The following ASAH2 variants were observed in gnomAD, a reference collection of about 807,000 sequenced individuals.
ASAH2 encodes neutral ceramidase.
A neutral mutation model predicts 82.9 loss-of-function variants in ASAH2; 58 were observed. The observed-to-expected ratio is 0.70, with a 90% CI of 0.57 to 0.87. The LOEUF (loss-of-function observed/expected upper bound fraction) is 0.87, where lower values mean the gene tolerates loss of function less well. Among genes scored for constraint, ASAH2 ranks in the 40% least tolerant of loss-of-function variants. The pLI, the probability that ASAH2 is intolerant of heterozygous loss-of-function variation, is 0.00. For synonymous variants in ASAH2, 276 were observed against 289.7 expected, an observed-to-expected ratio of 0.95 and a Z score of 0.48; for missense variants, 779 against 834.0, an observed-to-expected ratio of 0.93 and a Z score of 0.81.
chr10:50,185,299 G>A lies in ASAH2; in HGVS notation c.*2016C>T, dbSNP rs562835961. The A allele has an allele frequency of 6.3e-4, 92 of 146,724 alleles. 2 individuals are homozygous for A. Among genetic ancestry groups the A allele is most frequent in the African/African-American group, 2.3e-3 (89 of 39,110 alleles). The allele number at this position is 146,724 out of a possible 1,614,324, so 9.1% of individuals were successfully genotyped here. A position where few individuals can be genotyped will look rare whatever the true frequency, so the allele number is the denominator to read the frequency against. On this transcript the variant is annotated 3_prime_UTR_variant, in exon 21 of 21. Transcript: ENST00000682911. ...GGTTTTATTTTTACACATGAACTGC[G>A]AACATAGAACTGCATGCCCTAGAAG...
intron 17 of ASAH2, among the ~76,000 whole-genome samples, chr10:50,197,976 A>C (rs2133196872): frequency 6.6e-6 from 1 of 152,200 alleles, no homozygotes; most frequent in East Asian, 1.9e-4. Context: ...AGTAACCTAA[A>C]ACTGAGACCA....
chr10:50,210,499 T>C (rs1845424073), intron 12 of ASAH2, among the ~76,000 whole-genome samples: 1 of 150,650 alleles, frequency 6.6e-6, no homozygotes, highest in Non-Finnish European at 1.5e-5. Context: ...AAATTCTGTC[T>C]CAAAAAAATA....
intron 8 of ASAH2, among the ~76,000 whole-genome samples, chr10:50,217,084 G>A (rs1845620958): frequency 6.6e-6 from 1 of 152,158 alleles, no homozygotes; most frequent in Non-Finnish European, 1.5e-5. Context: ...AGGATGAGTG[G>A]CTTCTCACTC....
At chr10:50,223,277 C>T (rs1248108039) in intron 7 of ASAH2, among the ~76,000 whole-genome samples, 1 of 152,078 alleles carries the variant, frequency 6.6e-6, no homozygotes, top group Non-Finnish European at 1.5e-5. Flanking sequence ...ATTGCATGTG[C>T]CCTACTCTGA....
At chr10:50,212,713 T>C (rs982245271) in intron 10 of ASAH2, among the ~76,000 whole-genome samples, 1 of 152,196 alleles carries the variant, frequency 6.6e-6, no homozygotes, top group African/African-American at 2.4e-5. Flanking sequence ...TCTGGCTTTC[T>C]AGACATTCTA....
At chr10:50,199,710 C>T (rs1226106888) in intron 16 of ASAH2, among the ~76,000 whole-genome samples, 3 of 150,014 alleles carry the variant, frequency 2.0e-5, no homozygotes, top group African/African-American at 7.4e-5. Flanking sequence ...ATTCTCATCT[C>T]AGCGAATGTC....
At chr10:50,198,637 T>TG (rs1242718746) in intron 17 of ASAH2, among the ~76,000 whole-genome samples, 1 of 151,934 alleles carries the variant, frequency 6.6e-6, no homozygotes, top group African/African-American at 2.4e-5. Flanking sequence ...TTGGAGTGAG[T>TG]GGGGAGAATC....
At chr10:50,210,703 A>G in intron 12 of ASAH2, 120 bp downstream of exon 12, 1 of 957,176 alleles carries the variant, frequency 1.0e-6, no homozygotes, top group Non-Finnish European at 1.7e-6. Context: ...AACCTGGAAA[A>G]CCAGCAGACC....
At chr10:50,220,277 A>C (rs1415601101) in intron 7 of ASAH2, among the ~76,000 whole-genome samples, 1 of 152,210 alleles carries the variant, frequency 6.6e-6, no homozygotes, top group Non-Finnish European at 1.5e-5. Flanking sequence ...TGATGAAGAT[A>C]AATACTGAAA....
At chr10:50,213,326 C>G (rs1260445449) in intron 9 of ASAH2, among the ~76,000 whole-genome samples, 1 of 152,090 alleles carries the variant, frequency 6.6e-6, no homozygotes, top group African/African-American at 2.4e-5. Context: ...GCTGATTATG[C>G]AGGTATCTAA....
At chr10:50,195,030 C>T (rs1237879457) in intron 18 of ASAH2, among the ~76,000 whole-genome samples, 10 of 148,110 alleles carry the variant, frequency 6.8e-5, no homozygotes, top group African/African-American at 2.5e-4. Flanking sequence ...GCAACAAAAG[C>T]AAAAACAGAC....
intron 19 of ASAH2, among the ~76,000 whole-genome samples, chr10:50,190,729 TAA>T (rs2133191924): frequency 1.4e-5 from 2 of 141,318 alleles, no homozygotes; most frequent in East Asian, 4.2e-4. Context: ...ATGCATAATA[TAA>T]GTTACTTTAT....
At chr10:50,210,623 A>G (rs1845426910) in intron 12 of ASAH2, among the ~76,000 whole-genome samples, 200 bp downstream of exon 12, 1 of 152,186 alleles carries the variant, frequency 6.6e-6, no homozygotes, top group Non-Finnish European at 1.5e-5. Flanking sequence ...AGAATAGGAA[A>G]ATATGGAGAC....
intron 10 of ASAH2, 47 bp downstream of exon 10, chr10:50,212,925 A>G: frequency 6.5e-7 from 1 of 1,546,062 alleles, no homozygotes; most frequent in East Asian, 2.2e-5. Flanking sequence ...ATGGATTTTA[A>G]AGGACAATTT....
chr10:50,201,055 A>G (rs1287691695), intron 16 of ASAH2, among the ~76,000 whole-genome samples: 2 of 152,032 alleles, frequency 1.3e-5, no homozygotes, highest in African/African-American at 2.4e-5. Context: ...CACAGCAGAG[A>G]AAAGAGAAGG....
At chr10:50,197,529 T>C (rs1261424195) in intron 17 of ASAH2, among the ~76,000 whole-genome samples, 1 of 151,998 alleles carries the variant, frequency 6.6e-6, no homozygotes, top group African/African-American at 2.4e-5. Flanking sequence ...ACAAAAGTAA[T>C]TGGCATTTTG....
At position 50,248,595 on chromosome 10, in the gene ASAH2, AG is replaced by A; in HGVS notation, c.15del (p.Phe6SerfsTer8). The A allele has an allele frequency of 6.2e-7, 1 of 1,613,774 alleles. No individual in the cohort carries two copies. Among genetic ancestry groups the A allele is most frequent in the Non-Finnish European group, 8.5e-7 (1 of 1,179,730 alleles). On this transcript the variant is annotated frameshift_variant, in exon 2 of 21. Transcript: ENST00000682911. LOFTEE classifies it high-confidence loss of function. ...ATCAGGAATGTCTCCAAGTTAGAGA[AG>A]GTGCGTTTGGCCATTTCTTCTCAGG... is the stretch of plus-strand genomic sequence containing the variant. MAKR[T>X]FSNLETFLIF...
chr10:50,245,418 G>C lies in ASAH2; in HGVS notation c.164C>G (p.Pro55Arg). ...AGCTGTGGAGCCCTGGGTGGCTGGA[G>C]GGCTTTGGGTGGTTGAAAAAAAATG... The part of the protein sequence containing the change: ...GGHFFSTTQS[P>R]PATQGSTAAQ... Residue 55 changes from proline to arginine, a missense_variant, in exon 3 of 21, where the codon CCT becomes CGT. Physicochemically the swap from Pro to Arg is moderately radical, Grantham distance 103. This residue lies in a region of ASAH2 where 759 missense variants were observed against 755.2 expected (regional missense o/e 1.00). Transcript: ENST00000682911. 6.2e-7 allele frequency: 1 copy of C among 1,613,834 alleles called. No individual in the cohort carries two copies. The highest frequency in any genetic ancestry group is 1.1e-5 in the South Asian group (1 of 91,050).
At chr10:50,231,403 C>T (rs894486699) in intron 7 of ASAH2, among the ~76,000 whole-genome samples, 2 of 152,102 alleles carry the variant, frequency 1.3e-5, no homozygotes, top group African/African-American at 4.8e-5. Flanking sequence ...GGAAGCCTTC[C>T]ACAGTGCTCT....
Sources: allele counts gnomAD v4.1 joint callset (sites outside exome capture counted in the v4.1 genomes callset), GRCh38; gene constraint gnomAD v4.1.1; regional missense constraint gnomAD v4.1.1; transcripts MANE v1.5; gene names NCBI Gene and HGNC (gene_info 2026-07-23, HGNC 2026-07-21).